The following ACTRT3 variants were observed in gnomAD, a reference collection of about 807,000 sequenced individuals.
The protein encoded by ACTRT3 is actin related protein T3.
In ACTRT3, 15 loss-of-function variants were observed where a neutral mutation model predicts 17.6. The observed-to-expected ratio is 0.85, with a 90% CI of 0.57 to 1.31. The LOEUF is 1.31. Among genes scored for constraint, ACTRT3 ranks in the 50% most tolerant of loss-of-function variants. The probability of loss-of-function intolerance (pLI) is 0.00; values close to 1 mark genes in which losing one functional copy is unlikely to be tolerated. For synonymous variants in ACTRT3, 169 were observed against 176.4 expected (o/e 0.96, Z 0.33); for missense variants, 457 against 466.7 (o/e 0.98, Z 0.19).
chr3:169,767,728 A>C lies in ACTRT3; in HGVS notation c.823T>G (p.Cys275Gly), dbSNP rs1239137202. ...TCACATTTCATTATGCTGCTGAAGC[A>C]TATCTTATCAATGCCAGGGGCCTCA... ...NLEAPGIDKI[C>G]FSSIMKCDTG... is the part of the protein sequence containing the mutation. The change falls in exon 2 of 2, where the codon TGC becomes GGC. Residue 275 changes from cysteine (C) to glycine (G), a missense_variant. Transcript: ENST00000330368. The C allele has an allele frequency of 6.2e-7, 1 of 1,614,118 alleles. No homozygotes were observed. Among genetic ancestry groups the C allele is most frequent in the South Asian group, 1.1e-5 (1 of 91,088 alleles).
In ACTRT3 at chr3:169,768,178, G is replaced by A. The variant is rs1302113846; in HGVS notation, c.373C>T (p.His125Tyr). 6.2e-7 allele frequency: 1 copy of A among 1,614,050 alleles called. No individual in the cohort carries two copies. ...ATATAGAAGGCAGGAACACCCAGAT[G>A]CTCAAAAAACATTTCCGTGATCTGT... The part of the protein sequence containing the change: ...RQQITEMFFE[H>Y]LGVPAFYMSI... The change falls in exon 2 of 2, where the codon CAT becomes TAT. Residue 125 changes from histidine (H) to tyrosine (Y), a missense_variant. Transcript: ENST00000330368.
In ACTRT3 at chr3:169,769,400, G is replaced by T. The variant is rs774615829; in HGVS notation, c.121C>A (p.Gln41Lys). 8.1e-6 allele frequency: 13 copies of T among 1,606,370 alleles called. No homozygotes were observed. The highest frequency in any genetic ancestry group is 1.4e-5 in the African/African-American group (1 of 72,716). The change falls in exon 1 of 2, where the codon CAG becomes AAG. Residue 41 changes from glutamine to lysine, a missense_variant. Physicochemically the swap from Gln to Lys is moderately conservative, Grantham distance 53. Coordinates refer to ENST00000330368, the MANE Select transcript of ACTRT3 (RefSeq NM_032487.5). ...YPNIIGRAKG[Q>K]SRAAQGGLEL... The stretch of plus-strand genomic sequence containing the variant: ...AGCCCGCCCTGGGCCGCGCGGCTCT[G>T]GCCCTTGGCGCGGCCGATAATGTTC...
rs566010146 is a variant in ACTRT3 at position 169,768,443 on chromosome 3, A to G, written c.201-93T>C. The G allele has an allele frequency of 2.2e-3, 2,574 of 1,169,566 alleles. 75 individuals carry two copies. The South Asian group carries it at 0.037, about 17-fold the overall frequency. 72.4% of individuals were successfully genotyped at this position (1,169,566 alleles called of 1,614,324 possible). On this transcript the variant is annotated intron_variant, in intron 1 of 1. Coordinates refer to ENST00000330368, the MANE Select transcript of ACTRT3 (RefSeq NM_032487.5). The stretch of plus-strand genomic sequence containing the variant: ...AGTTAATTCCCCGCGTTTATTACCA[A>G]TATCCCTTTATGGGCAATAACTGCC...
rs775766595 is a variant in ACTRT3 at position 169,768,051 on chromosome 3, C to T, written c.500G>A (p.Gly167Asp). 1 of 1,614,124 alleles carries T rather than the reference C, an allele frequency of 6.2e-7. No individual in the cohort carries two copies. The highest frequency in any genetic ancestry group is 1.1e-5 in the South Asian group (1 of 91,086). ...CTGCACACCATGAGGCAGACAGTAA[C>T]CCTCAAAGATGGGCACACTCTGGGT... ...GVTQSVPIFE[G>D]YCLPHGVQQL... is the part of the protein sequence containing the mutation. The change falls in exon 2 of 2, where the codon GGT (glycine) becomes GAT (aspartate). Residue 167 changes from glycine (G) to aspartate (D), a missense_variant. Physicochemically the swap from Gly to Asp is moderately conservative, Grantham distance 94. Transcript: ENST00000330368.
In ACTRT3 at chr3:169,769,348, T is replaced by G; in HGVS notation, c.173A>C (p.Gln58Pro). 1 of 1,518,088 alleles carries G rather than the reference T, an allele frequency of 6.6e-7. No individual in the cohort carries two copies. The highest frequency in any genetic ancestry group is 2.4e-5 in the East Asian group (1 of 41,636). The allele number at this position is 1,518,088 out of a possible 1,614,324, so 94.0% of individuals were successfully genotyped here. Residue 58 changes from glutamine to proline, a missense_variant, in exon 1 of 2, where the codon CAG becomes CCG. Transcript: ENST00000330368. Reference protein sequence around the residue: ...GLELCVGDQAQDWRSSLFISY... With the variant: ...GLELCVGDQAPDWRSSLFISY... ...GATGAACAGCGAGCTCCTCCAGTCC[T>G]GAGCTTGGTCGCCCACGCAGAGTTC...
At position 169,769,423 on chromosome 3, in the gene ACTRT3, T is replaced by G; in HGVS notation, c.98A>C (p.Asn33Thr). The G allele has an allele frequency of 6.2e-7, 1 of 1,608,150 alleles. No homozygotes were observed. The highest frequency in any genetic ancestry group is 1.1e-5 in the South Asian group (1 of 90,780). ...GCREPQFIYP[N>T]IIGRAKGQSR... ...CTGGCCCTTGGCGCGGCCGATAATGTTCGGGTAGATAAACTGGGGCTCCCG... is the reference window on the plus strand; with the variant it reads ...CTGGCCCTTGGCGCGGCCGATAATGGTCGGGTAGATAAACTGGGGCTCCCG... Residue 33 changes from asparagine to threonine, a missense_variant, in exon 1 of 2, where the codon AAC becomes ACC. Transcript: ENST00000330368.
chr3:169,768,340 C>A lies in ACTRT3; in HGVS notation c.211G>T (p.Glu71Ter). Residue 71 changes from glutamate (E) to a stop codon, truncating the protein, a stop_gained, in exon 2 of 2, where the codon GAG (glutamate) becomes TAG (stop). Coordinates refer to ENST00000330368, the MANE Select transcript of ACTRT3 (RefSeq NM_032487.5). LOFTEE classifies it high-confidence loss of function. ...RSSLFISYPV[E>*]RGLITSWEDM... ...TCCCATGAAGTAATGAGACCACGCT[C>A]CACTGGGTAACTGTAAGGAAAGCAA... The A allele has an allele frequency of 6.2e-7, 1 of 1,606,748 alleles. No individual in the cohort carries two copies.
In ACTRT3 at chr3:169,767,588, G is replaced by A; in HGVS notation, c.963C>T (p.Asn321=). 1 of 1,614,072 alleles carries A rather than the reference G, an allele frequency of 6.2e-7. No homozygotes were observed. Among genetic ancestry groups the A allele is most frequent in the Non-Finnish European group, 8.5e-7 (1 of 1,180,022 alleles). ...GAGGAGCTATAACTTGCACAGCGGT[G>A]TTGGCAGGAGCCACCTTTGCTATAT... ...VKDIAKVAPA[N]TAVQVIAPPE... Residue 321 remains asparagine (N), a synonymous_variant, in exon 2 of 2, where the codon AAC becomes AAT. Coordinates refer to ENST00000330368, the MANE Select transcript of ACTRT3 (RefSeq NM_032487.5).
At position 169,768,065 on chromosome 3, in the gene ACTRT3, C is replaced by A. The variant is rs1778014337; in HGVS notation, c.486G>T (p.Val162=). The A allele has an allele frequency of 1.9e-6, 3 of 1,613,984 alleles. No homozygotes were observed. Among genetic ancestry groups the A allele is most frequent in the Non-Finnish European group, 2.5e-6 (3 of 1,180,034 alleles). The change falls in exon 2 of 2, where the codon GTG becomes GTT. Residue 162 remains valine (V), a synonymous_variant. Coordinates refer to ENST00000330368, the MANE Select transcript of ACTRT3 (RefSeq NM_032487.5). ...LNSGAGVTQS[V]PIFEGYCLPH... is the part of the protein sequence containing the mutation. ...GCAGACAGTAACCCTCAAAGATGGG[C>A]ACACTCTGGGTAACCCCAGCACCTG...
intron 1 of ACTRT3, 109 bp from the exon 2 acceptor site, chr3:169,768,459 A>C: frequency 1.0e-6 from 1 of 994,132 alleles, no homozygotes; most frequent in African/African-American, 1.6e-5. Flanking sequence ...CTTTATGGGC[A>C]ATAACTGCCA....
Position 169,767,661 on chromosome 3 carries a change from G to T in ACTRT3, c.890C>A (p.Ala297Asp). 1 of 1,613,498 alleles carries T rather than the reference G, an allele frequency of 6.2e-7. No homozygotes were observed. The highest frequency in any genetic ancestry group is 8.5e-7 in the Non-Finnish European group (1 of 1,179,812). The change falls in exon 2 of 2, where the codon GCC becomes GAC. Residue 297 changes from alanine (A) to aspartate (D), a missense_variant. Physicochemically the swap from Ala to Asp is moderately radical, Grantham distance 126. Transcript: ENST00000330368. ...RNSFFSNIIL[A>D]GGSTSFPGLD... ...ACCAGGGAAAGAGGTTGATCCCCCG[G>T]CAAGGATAATATTGGAAAAGAAGGA...
In ACTRT3 at chr3:169,768,237, G is replaced by A; in HGVS notation, c.314C>T (p.Thr105Ile). The A allele has an allele frequency of 5.0e-6, 8 of 1,613,982 alleles. No homozygotes were observed. Among genetic ancestry groups the A allele is most frequent in the Non-Finnish European group, 6.8e-6 (8 of 1,180,040 alleles). ...LKPCDGPVLI[T>I]EPALNPLANR... is the part of the protein sequence containing the mutation. The stretch of plus-strand genomic sequence containing the variant: ...GGCCAGTGGGTTCAGCGCTGGCTCA[G>A]TAATCAAGACTGGGCCATCACACGG... Residue 105 changes from threonine to isoleucine, a missense_variant, in exon 2 of 2, where the codon ACT (threonine) becomes ATT (isoleucine). Transcript: ENST00000330368.
rs750747641 is a variant in ACTRT3, at chr3:169,768,296, C to T, written c.255G>A (p.Trp85Ter). The T allele has an allele frequency of 1.2e-6, 2 of 1,613,740 alleles. No individual in the cohort carries two copies. Among genetic ancestry groups the T allele is most frequent in the Non-Finnish European group, 1.7e-6 (2 of 1,179,932 alleles). ...ITSWEDMEIM[W>*]KHIYDYNLKL... is the part of the protein sequence containing the mutation. Reference sequence around the variant, plus strand: ...TTAGGTTATAGTCATAGATATGCTTCCACATGATCTCCATGTCCTCCCATG... The same window carrying T: ...TTAGGTTATAGTCATAGATATGCTTTCACATGATCTCCATGTCCTCCCATG... The change falls in exon 2 of 2, where the codon TGG becomes TGA. Residue 85 changes from tryptophan (W) to a stop codon, truncating the protein, a stop_gained. Transcript: ENST00000330368. LOFTEE classifies it high-confidence loss of function.
rs1378075858 is a variant in ACTRT3 at position 169,768,530 on chromosome 3, T to G, written c.201-180A>C. On this transcript the variant is annotated intron_variant, in intron 1 of 1. Coordinates refer to ENST00000330368, the MANE Select transcript of ACTRT3 (RefSeq NM_032487.5). The stretch of plus-strand genomic sequence containing the variant: ...AGCACAGCTACTTACCTCTGCAATT[T>G]TTTTTTTTTTTTTTGGAGACAGAGT... Among the ~76,000 whole-genome samples, 3 of 150,372 alleles carry G rather than the reference T, an allele frequency of 2.0e-5. No homozygotes were observed. In the East Asian group the frequency reaches 5.8e-4, roughly 29 times the overall value.
At position 169,767,460 on chromosome 3, in the gene ACTRT3, G is replaced by C; in HGVS notation, c.1091C>G (p.Pro364Arg). The change falls in exon 2 of 2, where the codon CCC becomes CGC. Residue 364 changes from proline (P) to arginine (R), a missense_variant. Pro to Arg is a moderately radical substitution (Grantham distance 103). Coordinates refer to ENST00000330368, the MANE Select transcript of ACTRT3 (RefSeq NM_032487.5). ...GAAGCATCTTTGGTGTACTATGTTG[G>C]GTCCAACTTCTTTAAATTCTGCAGC... The part of the protein sequence containing the change: ...ITAAEFKEVG[P>R]NIVHQRCF 6.2e-7 allele frequency: 1 copy of C among 1,605,070 alleles called. No homozygotes were observed. The highest frequency in any genetic ancestry group is 8.5e-7 in the Non-Finnish European group (1 of 1,175,572).
In ACTRT3 at chr3:169,768,197, G is replaced by C. The variant is rs373104233; in HGVS notation, c.354C>G (p.Ile118Met). Residue 118 changes from isoleucine (I) to methionine (M), a missense_variant, in exon 2 of 2, where the codon ATC (isoleucine) becomes ATG (methionine). By Grantham distance (10) the Ile-to-Met change is conservative. Transcript: ENST00000330368. ...CCAGATGCTCAAAAAACATTTCCGT[G>C]ATCTGTTGCCGGTTGGCCAGTGGGT... ...ALNPLANRQQITEMFFEHLGV... is the reference protein window; with the variant it reads ...ALNPLANRQQMTEMFFEHLGV... The C allele has an allele frequency of 6.2e-7, 1 of 1,614,036 alleles. No individual in the cohort carries two copies. Among genetic ancestry groups the C allele is most frequent in the Non-Finnish European group, 8.5e-7 (1 of 1,180,038 alleles).
rs775939107 is a variant in ACTRT3 at position 169,769,482 on chromosome 3, G to A, written c.39C>T (p.Gly13=). The A allele has an allele frequency of 1.2e-6, 2 of 1,611,112 alleles. No homozygotes were observed. Among genetic ancestry groups the A allele is most frequent in the Non-Finnish European group, 1.7e-6 (2 of 1,179,414 alleles). The change falls in exon 1 of 2, where the codon GGC becomes GGT. Residue 13 remains glycine, a synonymous_variant. Coordinates refer to ENST00000330368, the MANE Select transcript of ACTRT3 (RefSeq NM_032487.5). ...HCQLPVVIDN[G]SGMIKAGVAG... is the part of the protein sequence containing the mutation. The stretch of plus-strand genomic sequence containing the variant: ...CCACGCCCGCCTTGATCATTCCCGA[G>A]CCGTTGTCGATCACCACCGGTAGCT...
intron 1 of ACTRT3, 26 bp from the exon 2 acceptor site, chr3:169,768,376 G>A: frequency 6.4e-7 from 1 of 1,571,566 alleles, no homozygotes; most frequent in Non-Finnish European, 8.7e-7. Flanking sequence ...TAAGATCAAT[G>A]ACAGCTTTTT....
chr3:169,767,860 C>T lies in ACTRT3; in HGVS notation c.691G>A (p.Asp231Asn). Residue 231 changes from aspartate (D) to asparagine (N), a missense_variant, in exon 2 of 2, where the codon GAT becomes AAT. By Grantham distance (23) the Asp-to-Asn change is conservative. Transcript: ENST00000330368. ...AGTTGGTAAACTTTCTCTAGACAAT[C>T]GGGTTTCTTGGCCATTTCCTCTTCG... Reference protein sequence around the residue: ...NYEEEMAKKPDCLEKVYQLPD... With the variant: ...NYEEEMAKKPNCLEKVYQLPD... 1 of 1,614,152 alleles carries T rather than the reference C, an allele frequency of 6.2e-7. No individual in the cohort carries two copies.
Sources: allele counts gnomAD v4.1 joint callset (sites outside exome capture counted in the v4.1 genomes callset), GRCh38; gene constraint gnomAD v4.1.1; transcripts MANE v1.5; gene names NCBI Gene and HGNC (gene_info 2026-07-23, HGNC 2026-07-21).